The following RNF2 variants were observed in gnomAD, a reference collection of about 807,000 sequenced individuals.
The protein encoded by RNF2 is E3 ubiquitin-protein ligase RING2.
In RNF2, 6 loss-of-function variants were observed where a neutral mutation model predicts 37.2. That is an observed-to-expected ratio of 0.16 (90% CI 0.09 to 0.32). RNF2 has a LOEUF of 0.32. RNF2 is among the 10% of genes least tolerant of loss of function. RNF2 has a pLI of 1.00. For missense variants in RNF2, 251 were observed against 404.0 expected, an observed-to-expected ratio of 0.62 and a Z score of 3.25; for synonymous variants, 133 against 132.7, an observed-to-expected ratio of 1.00 and a Z score of -0.02.
chr1:185,097,988 A>C, intron 4 of RNF2, 84 bp from the exon 5 acceptor site: 2 of 1,463,298 alleles, frequency 1.4e-6, no homozygotes, highest in South Asian at 2.6e-5. Context: ...GGAATTCTAA[A>C]GTTCAGTAGC....
In RNF2 at chr1:185,098,315, T is replaced by C. The variant is rs1320011112; in HGVS notation, c.708T>C (p.Leu236=). The change falls in exon 5 of 7, where the codon CTT becomes CTC. Residue 236 remains leucine (L), a synonymous_variant. Transcript: ENST00000367510. ...IELVFRPHPT[L]MEKDDSAQTR... ...TAGTATTCAGGCCTCATCCCACACT[T>C]ATGGAAAAAGATGACAGTGCACAGA... The C allele has an allele frequency of 6.2e-7, 1 of 1,614,144 alleles. No homozygotes were observed. Among genetic ancestry groups the C allele is most frequent in the Admixed American group, 1.7e-5 (1 of 60,032 alleles).
intron 1 of RNF2, among the ~76,000 whole-genome samples, chr1:185,057,982 G>A (rs375174080): frequency 2.0e-5 from 3 of 152,148 alleles, no homozygotes; most frequent in South Asian, 2.1e-4. Context: ...AAAATTAGCC[G>A]GGCTTGGTGG....
At chr1:185,085,599 A>G (rs1478296968) in intron 1 of RNF2, among the ~76,000 whole-genome samples, 1 of 151,626 alleles carries the variant, frequency 6.6e-6, no homozygotes, top group African/African-American at 2.4e-5. Flanking sequence ...CTAGTCTTCT[A>G]CCTTCTATAC....
At chr1:185,088,751 T>G (rs1651678123) in intron 2 of RNF2, among the ~76,000 whole-genome samples, 2 of 152,136 alleles carry the variant, frequency 1.3e-5, no homozygotes, top group South Asian at 4.2e-4. Context: ...GAAGAAAAAT[T>G]TTCACAAAGT....
intron 1 of RNF2, among the ~76,000 whole-genome samples, chr1:185,061,171 AGGCTG>A (rs1650590549): frequency 1.4e-5 from 2 of 140,454 alleles, no homozygotes; most frequent in African/African-American, 5.4e-5. Context: ...TCTGACGCCC[AGGCTG>A]GAGTGCAGTG....
In RNF2 at chr1:185,099,904, A is replaced by T; in HGVS notation, c.851A>T (p.Asp284Val). The change falls in exon 6 of 7, where the codon GAT (aspartate) becomes GTT (valine). Residue 284 changes from aspartate (D) to valine (V), a missense_variant. This residue lies in a region of RNF2 where 59 missense variants were observed against 69.1 expected (regional missense o/e 0.85). Transcript: ENST00000367510. ...GGTGAATCAAACCAGATGAACCTTG[A>T]TACAGCCAGTGAGAAGCAGTATACC... ...SKGESNQMNL[D>V]TASEKQYTIY... 6.2e-7 allele frequency: 1 copy of T among 1,614,130 alleles called. No individual in the cohort carries two copies. The highest frequency in any genetic ancestry group is 8.5e-7 in the Non-Finnish European group (1 of 1,179,968).
At chr1:185,084,813 AAG>A (rs1651532360) in intron 1 of RNF2, among the ~76,000 whole-genome samples, 1 of 147,960 alleles carries the variant, frequency 6.8e-6, no homozygotes, top group East Asian at 1.9e-4. Context: ...TTTGATTCAC[AAG>A]AGAGAGTTGC....
chr1:185,049,709 A>G (rs956268579), intron 1 of RNF2, among the ~76,000 whole-genome samples: 1 of 151,734 alleles, frequency 6.6e-6, no homozygotes, highest in Non-Finnish European at 1.5e-5. Flanking sequence ...CATTACAGTA[A>G]TCAGAACCTA....
At chr1:185,099,735 C>A in intron 5 of RNF2, 56 bp from the exon 6 acceptor site, 1 of 1,428,568 alleles carries the variant, frequency 7.0e-7, no homozygotes. Flanking sequence ...AATTTAAGTA[C>A]ATTTTTCTCA....
chr1:185,084,941 C>T (rs1182929581), intron 1 of RNF2, among the ~76,000 whole-genome samples: 1 of 152,048 alleles, frequency 6.6e-6, no homozygotes, highest in East Asian at 1.9e-4. Context: ...GAATGAGGGA[C>T]ATGTTGTGTC....
chr1:185,065,917 T>C (rs1650784762), intron 1 of RNF2, among the ~76,000 whole-genome samples: 2 of 151,964 alleles, frequency 1.3e-5, no homozygotes, highest in South Asian at 4.1e-4. Flanking sequence ...GTATGTTGAA[T>C]AGAAGTGATA....
intron 1 of RNF2, among the ~76,000 whole-genome samples, chr1:185,076,336 G>GCT (rs1168686892): frequency 3.7e-5 from 4 of 109,550 alleles, no homozygotes; most frequent in African/African-American, 1.4e-4. Context: ...TGTCGCCCAG[G>GCT]CTGGAGTGCA....
At chr1:185,079,187 C>T (rs914055966) in intron 1 of RNF2, among the ~76,000 whole-genome samples, 2 of 151,640 alleles carry the variant, frequency 1.3e-5, no homozygotes, top group African/African-American at 4.8e-5. Context: ...CAAATTTGAG[C>T]ACCTACTTTG....
At chr1:185,073,878 A>G (rs1651062654) in intron 1 of RNF2, among the ~76,000 whole-genome samples, 1 of 152,208 alleles carries the variant, frequency 6.6e-6, no homozygotes, top group South Asian at 2.1e-4. Flanking sequence ...GATTCAGTTC[A>G]GTGGTTACGC....
intron 1 of RNF2, among the ~76,000 whole-genome samples, chr1:185,082,720 A>G (rs1651465056): frequency 6.6e-6 from 1 of 152,158 alleles, no homozygotes; most frequent in African/African-American, 2.4e-5. Flanking sequence ...GGTGGAATGC[A>G]GTGTCGATGT....
Position 185,091,589 on chromosome 1 carries a change from C to T in RNF2, c.98C>T (p.Thr33Ile). 6.2e-7 allele frequency: 1 copy of T among 1,613,394 alleles called. No individual in the cohort carries two copies. The highest frequency in any genetic ancestry group is 1.7e-5 in the Admixed American group (1 of 59,928). The change falls in exon 3 of 7, where the codon ACA (threonine) becomes ATA (isoleucine). Residue 33 changes from threonine to isoleucine, a missense_variant. Physicochemically the swap from Thr to Ile is moderately conservative, Grantham distance 89. Around this residue, in one of 7 missense-constraint regions of RNF2, gnomAD observed 43 missense variants for 82.7 expected, o/e 0.52. Transcript: ENST00000367510. Reference sequence around the variant, plus strand: ...GTGACTCTTTTACAGGAGGCAATAACAGATGGCTTAGAAATTGTGGTTTCA... The same window carrying T: ...GTGACTCTTTTACAGGAGGCAATAATAGATGGCTTAGAAATTGTGGTTTCA... ...ELQRTPQEAI[T>I]DGLEIVVSPR...
At chr1:185,096,441 C>G (rs1651912666) in intron 4 of RNF2, among the ~76,000 whole-genome samples, 1 of 152,130 alleles carries the variant, frequency 6.6e-6, no homozygotes, top group South Asian at 2.1e-4. Context: ...CCATTAAGCA[C>G]TAACTCCTCA....
intron 1 of RNF2, among the ~76,000 whole-genome samples, chr1:185,069,378 G>A (rs1169170878): frequency 6.6e-6 from 1 of 151,392 alleles, no homozygotes; most frequent in African/African-American, 2.4e-5. Context: ...GATTGCCTGA[G>A]CCCAGGAGGT....
At chr1:185,065,400 C>A (rs1401449958) in intron 1 of RNF2, among the ~76,000 whole-genome samples, 1 of 152,246 alleles carries the variant, frequency 6.6e-6, no homozygotes, top group Non-Finnish European at 1.5e-5. Flanking sequence ...TGGTCCACTT[C>A]TATGCTGTGG....
Sources: gnomAD v4.1 joint callset for allele counts (sites outside exome capture counted in the v4.1 genomes callset) on GRCh38, gnomAD v4.1.1 for gene constraint, gnomAD v4.1.1 regional missense constraint, MANE v1.5 for transcripts, NCBI Gene and HGNC (gene_info 2026-07-23, HGNC 2026-07-21) for gene names.